COL19A1: variants seen among roughly 807,000 people sequenced by gnomAD.
The protein encoded by COL19A1 is collagen type XIX alpha 1 chain.
A neutral mutation model predicts 190.2 loss-of-function variants in COL19A1; 159 were observed. The ratio of observed to expected loss-of-function variants is 0.84; its 90% confidence interval spans 0.73 to 0.95. The LOEUF is 0.95. Ranked by LOEUF, COL19A1 falls within the 40% of genes least tolerant of loss-of-function variation. The probability of loss-of-function intolerance (pLI) is 0.00; values close to 1 mark genes in which losing one functional copy is unlikely to be tolerated. For missense variants in COL19A1, 1,418 were observed against 1,431.9 expected (o/e 0.99, Z 0.16); for synonymous variants, 509 against 458.9 (o/e 1.11, Z -1.39).
rs187036563 is a variant in COL19A1 at position 70,111,027 on chromosome 6, C to A, written c.1278+8805C>A. On this transcript the variant is annotated intron_variant, in intron 16 of 50. Transcript: ENST00000620364. Reference sequence around the variant, plus strand: ...ACATTAAGATTTGAGAAGTCAAAGGCCAGTCAGATTTATTAGAACCTTAAT... The same window carrying A: ...ACATTAAGATTTGAGAAGTCAAAGGACAGTCAGATTTATTAGAACCTTAAT... Among the ~76,000 whole-genome samples, 394 of 152,220 alleles carry A rather than the reference C, an allele frequency of 2.6e-3. 2 individuals are homozygous for A. The highest frequency in any genetic ancestry group is 8.8e-3 in the African/African-American group (364 of 41,520).
intron 14 of COL19A1, among the ~76,000 whole-genome samples, chr6:70,039,622 GC>G (rs1779533879): frequency 6.6e-6 from 1 of 152,030 alleles, no homozygotes; most frequent in African/African-American, 2.4e-5. Flanking sequence ...CCCCCTCTAA[GC>G]CATACATTCT....
intron 18 of COL19A1, among the ~76,000 whole-genome samples, chr6:70,132,792 A>C (rs555039837): frequency 3.4e-4 from 52 of 152,318 alleles, no homozygotes; most frequent in African/African-American, 1.2e-3. Context: ...TAGGAAGAGC[A>C]TGAGCTTTGG....
intron 12 of COL19A1, among the ~76,000 whole-genome samples, chr6:70,028,165 G>A (rs913132882): frequency 5.9e-5 from 9 of 152,088 alleles, no homozygotes; most frequent in Non-Finnish European, 1.0e-4. Context: ...ATATATTAAC[G>A]TGCATACAGT....
chr6:69,944,484 T>C (rs991126806), intron 9 of COL19A1, among the ~76,000 whole-genome samples: 2 of 152,166 alleles, frequency 1.3e-5, no homozygotes, highest in Non-Finnish European at 2.9e-5. Context: ...AAGGCAAAGA[T>C]TCAATTTGCA....
At position 70,034,287 on chromosome 6, in the gene COL19A1, A is replaced by G; in HGVS notation, c.1123A>G (p.Lys375Glu). The G allele has an allele frequency of 6.2e-7, 1 of 1,612,942 alleles. No individual in the cohort carries two copies. Among genetic ancestry groups the G allele is most frequent in the Non-Finnish European group, 8.5e-7 (1 of 1,178,958 alleles). ...DLGPHGPPGP[K>E]GEKGDTGPPG... ...GGGTCCTCATGGTCCACCTGGCCCA[A>G]AAGGAGAAAAGGTATTGTGTTTACC... The change falls in exon 13 of 51, where the codon AAA becomes GAA. Residue 375 changes from lysine (K) to glutamate (E), a missense_variant. Lys to Glu is a moderately conservative substitution (Grantham distance 56). Coordinates refer to ENST00000620364, the MANE Select transcript of COL19A1 (RefSeq NM_001858.6).
chr6:69,866,769 A>G (rs1767467331), intron 1 of COL19A1, 129 bp downstream of exon 1: 1 of 152,246 alleles, frequency 6.6e-6, no homozygotes, highest in Non-Finnish European at 1.5e-5. Context: ...ACTGTGCTAC[A>G]CATGGAAATA....
At chr6:70,093,563 A>G (rs1381174445) in intron 15 of COL19A1, among the ~76,000 whole-genome samples, 1 of 152,016 alleles carries the variant, frequency 6.6e-6, no homozygotes, top group Non-Finnish European at 1.5e-5. Flanking sequence ...GAAATCAGGC[A>G]AGCAGAGGAG....
At chr6:70,023,858 T>C (rs1778584843) in intron 12 of COL19A1, among the ~76,000 whole-genome samples, 178 bp downstream of exon 12, 1 of 152,248 alleles carries the variant, frequency 6.6e-6, no homozygotes, top group Non-Finnish European at 1.5e-5. Context: ...TAGTTTCATT[T>C]CATTGGCTTT....
chr6:69,993,064 C>T (rs2150075819), intron 11 of COL19A1, among the ~76,000 whole-genome samples: 1 of 152,146 alleles, frequency 6.6e-6, no homozygotes, highest in Non-Finnish European at 1.5e-5. Flanking sequence ...CAGCTTTTGC[C>T]CATTCGGTAT....
intron 11 of COL19A1, among the ~76,000 whole-genome samples, chr6:69,998,906 T>C (rs2150081972): frequency 6.6e-6 from 1 of 152,280 alleles, no homozygotes; most frequent in Non-Finnish European, 1.5e-5. Context: ...ATGAGTACGT[T>C]TCACTTCTAA....
chr6:69,959,825 A>G (rs1358507674), intron 9 of COL19A1, among the ~76,000 whole-genome samples, 171 bp from the exon 10 acceptor site: 1 of 152,236 alleles, frequency 6.6e-6, no homozygotes, highest in Non-Finnish European at 1.5e-5. Flanking sequence ...TTGAGGTGAC[A>G]GTCCTGGATT....
intron 15 of COL19A1, among the ~76,000 whole-genome samples, chr6:70,072,261 A>G (rs1484586591): frequency 6.6e-6 from 1 of 152,230 alleles, no homozygotes; most frequent in African/African-American, 2.4e-5. Context: ...TAATGAAAAC[A>G]ATAATTTTTA....
chr6:70,037,509 C>T (rs1376416583), intron 14 of COL19A1, among the ~76,000 whole-genome samples: 1 of 152,118 alleles, frequency 6.6e-6, no homozygotes, highest in African/African-American at 2.4e-5. Flanking sequence ...TTTAGTTAAA[C>T]CTGCTCTTTT....
At chr6:69,958,389 A>T (rs1319579544) in intron 9 of COL19A1, among the ~76,000 whole-genome samples, 1 of 152,174 alleles carries the variant, frequency 6.6e-6, no homozygotes, top group African/African-American at 2.4e-5. Flanking sequence ...GGACAAGTGG[A>T]CATACTTCTG....
chr6:70,075,858 T>TA (rs1245490388), intron 15 of COL19A1, among the ~76,000 whole-genome samples: 3 of 152,226 alleles, frequency 2.0e-5, no homozygotes, highest in African/African-American at 2.4e-5. Flanking sequence ...CTGAGGTCCT[T>TA]ACATTCACTT....
intron 11 of COL19A1, among the ~76,000 whole-genome samples, chr6:69,993,928 G>GTT (rs201240664): frequency 1.3e-5 from 2 of 148,922 alleles, no homozygotes; most frequent in African/African-American, 4.9e-5. Flanking sequence ...TCTTTTGTAT[G>GTT]TTTTTTTTTG....
intron 4 of COL19A1, among the ~76,000 whole-genome samples, chr6:69,905,379 C>T (rs1410832554): frequency 6.6e-6 from 1 of 152,200 alleles, no homozygotes; most frequent in Non-Finnish European, 1.5e-5. Context: ...CATCCGGTGG[C>T]TCCCACACAC....
intron 11 of COL19A1, among the ~76,000 whole-genome samples, chr6:69,966,327 A>G (rs943885022): frequency 2.6e-5 from 4 of 152,210 alleles, no homozygotes; most frequent in African/African-American, 9.6e-5. Context: ...TGTGAAATAG[A>G]AAAGGGGGAA....
intron 4 of COL19A1, among the ~76,000 whole-genome samples, chr6:69,919,048 G>A (rs1771513871): frequency 6.6e-6 from 1 of 152,088 alleles, no homozygotes; most frequent in Admixed American, 6.5e-5. Flanking sequence ...CCTCCTTTTT[G>A]GAACTTTCCT....
Sources: gnomAD v4.1 joint callset for allele counts (sites outside exome capture counted in the v4.1 genomes callset) on GRCh38, gnomAD v4.1.1 for gene constraint, MANE v1.5 for transcripts, NCBI Gene and HGNC (gene_info 2026-07-23, HGNC 2026-07-21) for gene names.